GTF3C3: variants seen among roughly 807,000 people sequenced by gnomAD.
GTF3C3 encodes the protein general transcription factor 3C polypeptide 3.
In GTF3C3, 75 loss-of-function variants were observed where a neutral mutation model predicts 105.2. The observed-to-expected ratio is 0.71, with a 90% CI of 0.59 to 0.86. GTF3C3 has a LOEUF of 0.86. GTF3C3 is among the 40% of genes least tolerant of loss of function. The pLI, the probability that GTF3C3 is intolerant of heterozygous loss-of-function variation, is 0.00. For synonymous variants in GTF3C3, 335 were observed against 370.4 expected, an observed-to-expected ratio of 0.90 and a Z score of 1.10; for missense variants, 856 against 1,076.5, an observed-to-expected ratio of 0.80 and a Z score of 2.87.
At position 196,766,656 on chromosome 2, in the gene GTF3C3, T is replaced by C. The variant is rs1699074353; in HGVS notation, c.2447A>G (p.Asn816Ser). The C allele has an allele frequency of 1.2e-6, 2 of 1,613,590 alleles. No homozygotes were observed. The highest frequency in any genetic ancestry group is 1.3e-5 in the African/African-American group (1 of 74,882). ...CAACTGATGAAGGCCACGGCCCAAA[T>C]TGTAGAATGATTCCTGGCAGGGCCC... ...LRGPCQESFYNLGRGLHQLGL... is the reference protein window; with the variant it reads ...LRGPCQESFYSLGRGLHQLGL... Residue 816 changes from asparagine (N) to serine (S), a missense_variant, in exon 17 of 18, where the codon AAT (asparagine) becomes AGT (serine). Coordinates refer to ENST00000263956, the MANE Select transcript of GTF3C3 (RefSeq NM_012086.5).
Position 196,763,855 on chromosome 2 carries a change from C to T in GTF3C3, c.*708G>A, listed in dbSNP as rs1444410403. ...CCTTTATTCCATACGTACTACTTGC[C>T]CAGTCTTATATTACTTGTGATCTTG... is the stretch of plus-strand genomic sequence containing the variant. On this transcript the variant is annotated 3_prime_UTR_variant, in exon 18 of 18. Transcript: ENST00000263956. The T allele has an allele frequency of 6.6e-6, 1 of 152,154 alleles. No homozygotes were observed. Among genetic ancestry groups the T allele is most frequent in the Non-Finnish European group, 1.5e-5 (1 of 68,028 alleles). The allele number at this position is 152,154 out of a possible 1,614,324, so 9.4% of individuals were successfully genotyped here. A position where few individuals can be genotyped will look rare whatever the true frequency, so the allele number is the denominator to read the frequency against.
chr2:196,772,788 C>G lies in GTF3C3; in HGVS notation c.2069+128G>C, dbSNP rs80197439. On this transcript the variant is annotated intron_variant, in intron 14 of 17. Coordinates refer to ENST00000263956, the MANE Select transcript of GTF3C3 (RefSeq NM_012086.5). ...TAGAGTGCATCTTCTTATATACTGCCTCTGGGAATCACCAATTAACCAGTT... is the reference window on the plus strand; with the variant it reads ...TAGAGTGCATCTTCTTATATACTGCGTCTGGGAATCACCAATTAACCAGTT... The G allele has an allele frequency of 8.3e-3, 4,861 of 588,832 alleles. 27 individuals are homozygous for G. Among genetic ancestry groups the G allele is most frequent in the Middle Eastern group, 0.015 (32 of 2,204 alleles). 36.5% of individuals were successfully genotyped at this position (588,832 alleles called of 1,614,324 possible).
intron 6 of GTF3C3, 75 bp from the exon 7 acceptor site, chr2:196,785,663 C>T: frequency 1.2e-6 from 1 of 846,022 alleles, no homozygotes; most frequent in Non-Finnish European, 1.9e-6. Context: ...CTTAGGCTAT[C>T]TAACAATGAA....
At position 196,793,037 on chromosome 2, in the gene GTF3C3, T is replaced by TTCCTCCTCC. The variant is rs555178972; in HGVS notation, c.321_329dup (p.Glu109_Glu111dup). ...CCGCAGTGGGTTGCTCAGGTGTTTC[T>TTCCTCCTCC]TCCTCCTCCTCCTCCTCCTCCTCTT... On this transcript the variant is annotated inframe_insertion, in exon 3 of 18. Transcript: ENST00000263956. The TTCCTCCTCC allele has an allele frequency of 2.5e-6, 4 of 1,611,248 alleles. No individual in the cohort carries two copies. The highest frequency in any genetic ancestry group is 2.2e-5 in the East Asian group (1 of 44,860).
intron 8 of GTF3C3, among the ~76,000 whole-genome samples, chr2:196,781,080 G>A (rs936139382): frequency 2.6e-5 from 4 of 151,572 alleles, no homozygotes; most frequent in Admixed American, 6.6e-5. Context: ...AAAGCCCTGG[G>A]AAATTACAGG....
At chr2:196,790,154 C>CT in intron 4 of GTF3C3, 84 bp from the exon 5 acceptor site, 24 of 810,910 alleles carry the variant, frequency 3.0e-5, no homozygotes, top group Non-Finnish European at 3.7e-5. Flanking sequence ...AACTGTATGT[C>CT]TTTTTTTTAA....
intron 13 of GTF3C3, 102 bp downstream of exon 13, chr2:196,775,014 T>A (rs952904844): frequency 1.3e-6 from 1 of 769,334 alleles, no homozygotes. Context: ...TTCATTTTAT[T>A]TGAAAAGTAT....
At chr2:196,797,508 CAACT>C (rs1156518027) in intron 2 of GTF3C3, among the ~76,000 whole-genome samples, 3 of 152,136 alleles carry the variant, frequency 2.0e-5, no homozygotes, top group African/African-American at 7.2e-5. Context: ...GATTAGTTAC[CAACT>C]GAGAGGGCCA....
chr2:196,788,975 A>G (rs1699500659), intron 6 of GTF3C3, among the ~76,000 whole-genome samples: 2 of 152,098 alleles, frequency 1.3e-5, no homozygotes, highest in Admixed American at 6.6e-5. Context: ...GCTGGGTGAG[A>G]GGATCACTTG....
rs1010214908 is a variant in GTF3C3, at chr2:196,776,448, C to G, written c.1572G>C (p.Gln524His). Residue 524 changes from glutamine to histidine, a missense_variant, in exon 11 of 18, where the codon CAG becomes CAC. By Grantham distance (24) the Gln-to-His change is conservative (BLOSUM62 0). Coordinates refer to ENST00000263956, the MANE Select transcript of GTF3C3 (RefSeq NM_012086.5). The surrounding 1 kb of genome is among the most constrained non-coding windows in gnomAD (Gnocchi z 4.5). ...EPMYDPDTLA[Q>H]DANAAQQELK... ...CCACCTGCTGTGCAGCATTTGCATC[C>G]TGTGCTAAAGTATCTGGATCATACA... 6 of 1,613,924 alleles carry G rather than the reference C, an allele frequency of 3.7e-6. No homozygotes were observed. Among genetic ancestry groups the G allele is most frequent in the Non-Finnish European group, 4.2e-6 (5 of 1,179,930 alleles).
In GTF3C3 at chr2:196,793,021, G is replaced by A. The variant is rs762129443; in HGVS notation, c.346C>T (p.Pro116Ser). 2 of 1,613,882 alleles carry A rather than the reference G, an allele frequency of 1.2e-6. No individual in the cohort carries two copies. The highest frequency in any genetic ancestry group is 3.3e-5 in the Admixed American group (2 of 59,996). ...EEEEEETPEQ[P>S]TAGDVFVLEM... ...AATACAAATACATCGCCCGCAGTGG[G>A]TTGCTCAGGTGTTTCTTCCTCCTCC... Residue 116 changes from proline to serine, a missense_variant, in exon 3 of 18, where the codon CCC (proline) becomes TCC (serine). Pro to Ser is a moderately conservative substitution (Grantham distance 74). This residue lies in a region of GTF3C3 where 605 missense variants were observed against 833.6 expected (regional missense o/e 0.73). Transcript: ENST00000263956.
chr2:196,792,389 G>A (rs190733297), intron 3 of GTF3C3, among the ~76,000 whole-genome samples: 6 of 152,182 alleles, frequency 3.9e-5, no homozygotes, highest in Non-Finnish European at 8.8e-5. Flanking sequence ...TCCAACTCCT[G>A]AGCACAAGCA....
rs781419364 is a variant in GTF3C3 at position 196,778,951 on chromosome 2, A to G, written c.1335T>C (p.Ser445=). The G allele has an allele frequency of 8.1e-6, 13 of 1,614,024 alleles. 1 individual carries two copies. In the South Asian group the frequency reaches 1.3e-4, roughly 16 times the overall value. The change falls in exon 10 of 18, where the codon AGT becomes AGC. Residue 445 remains serine, a synonymous_variant. Transcript: ENST00000263956. The stretch of plus-strand genomic sequence containing the variant: ...TGTATCTTTCAGAGCAAACAAGAGC[A>G]CTGAGGAGGGGAAGTGCAGAATTAT... ...GEYNSALPLL[S]ALVCSERYNL...
At chr2:196,769,489 A>G (rs1204263363) in intron 16 of GTF3C3, among the ~76,000 whole-genome samples, 1 of 152,256 alleles carries the variant, frequency 6.6e-6, no homozygotes, top group Non-Finnish European at 1.5e-5. Flanking sequence ...TCAAATTATT[A>G]TAAGAACCAC....
chr2:196,765,573 AT>A (rs1233951764), intron 17 of GTF3C3, among the ~76,000 whole-genome samples: 2 of 149,990 alleles, frequency 1.3e-5, no homozygotes, highest in Non-Finnish European at 3.0e-5. Flanking sequence ...GTATACACCT[AT>A]TTTTATATAT....
Position 196,785,598 on chromosome 2 carries a change from A to C in GTF3C3, c.894-10T>G. On this transcript the variant is annotated splice_polypyrimidine_tract_variant and intron_variant, in intron 6 of 17. Transcript: ENST00000263956. ...GGCTTCATAGTAACTCCTAAAAAAAAGTGGCAAAATGGATGAATATTTACT... is the reference window on the plus strand; with the variant it reads ...GGCTTCATAGTAACTCCTAAAAAAACGTGGCAAAATGGATGAATATTTACT... 3 of 1,577,622 alleles carry C rather than the reference A, an allele frequency of 1.9e-6. No individual in the cohort carries two copies. In the South Asian group the frequency reaches 3.4e-5, roughly 18 times the overall value.
At chr2:196,775,395 A>T (rs149157418) in intron 12 of GTF3C3, 144 bp from the exon 13 acceptor site, 1 of 580,410 alleles carries the variant, frequency 1.7e-6, no homozygotes, top group Non-Finnish European at 2.8e-6. Context: ...AGCTGGGACC[A>T]CAGGCACATG....
intron 15 of GTF3C3, 42 bp downstream of exon 15, chr2:196,771,706 A>G: frequency 7.2e-7 from 1 of 1,384,706 alleles, no homozygotes; most frequent in South Asian, 1.2e-5. Context: ...GCTCTTCACC[A>G]CACTATTTAT....
At position 196,797,950 on chromosome 2, in the gene GTF3C3, G is replaced by C. The variant is rs541849187; in HGVS notation, c.103-42C>G. The C allele has an allele frequency of 4.4e-5, 48 of 1,096,432 alleles. No homozygotes were observed. In the African/African-American group the frequency reaches 6.0e-4, roughly 14 times the overall value. The allele number at this position is 1,096,432 out of a possible 1,614,324, so 67.9% of individuals were successfully genotyped here. The stretch of plus-strand genomic sequence containing the variant: ...ATTAATGATTCCAAAAAATAATGCA[G>C]ACTTAGCTCTCCCCAGCCACAGAGT... On this transcript the variant is annotated intron_variant, in intron 1 of 17. Coordinates refer to ENST00000263956, the MANE Select transcript of GTF3C3 (RefSeq NM_012086.5).
Sources: allele counts gnomAD v4.1 joint callset (sites outside exome capture counted in the v4.1 genomes callset), GRCh38; gene constraint gnomAD v4.1.1; regional missense constraint gnomAD v4.1.1; non-coding constraint Gnocchi (gnomAD v3.1); transcripts MANE v1.5; gene names NCBI Gene and HGNC (gene_info 2026-07-23, HGNC 2026-07-21).